PITPNM3: variants seen among roughly 807,000 people sequenced by gnomAD.
The protein encoded by PITPNM3 is membrane-associated phosphatidylinositol transfer protein 3.
PITPNM3 carries 26 observed loss-of-function variants against 102.0 expected under a neutral mutation model. The observed-to-expected ratio is 0.25, with a 90% CI of 0.19 to 0.35. The LOEUF is 0.35. Among genes scored for constraint, PITPNM3 ranks in the 10% least tolerant of loss-of-function variants. PITPNM3 has a pLI of 1.00. For synonymous variants in PITPNM3, 578 were observed against 558.6 expected, an observed-to-expected ratio of 1.03 and a Z score of -0.49; for missense variants, 1,083 against 1,346.1, an observed-to-expected ratio of 0.80 and a Z score of 3.06.
intron 2 of PITPNM3, among the ~76,000 whole-genome samples, chr17:6,531,992 G>C (rs190180153): frequency 6.6e-6 from 1 of 152,242 alleles, no homozygotes; most frequent in East Asian, 1.9e-4. Context: ...TGTAATCCCA[G>C]CTACTTGGGA....
chr17:6,484,337 C>T, intron 4 of PITPNM3, 45 bp from the exon 5 acceptor site: 2 of 1,531,466 alleles, frequency 1.3e-6, no homozygotes, highest in South Asian at 1.1e-5. Flanking sequence ...GGCTTCCCTA[C>T]AGTGACCAGA....
At chr17:6,489,821 T>C (rs531787088) in intron 4 of PITPNM3, among the ~76,000 whole-genome samples, 1 of 152,176 alleles carries the variant, frequency 6.6e-6, no homozygotes, top group Non-Finnish European at 1.5e-5. Context: ...CTGGCCAACA[T>C]GGTGAAACCC....
chr17:6,541,272 C>T (rs1259202847), intron 1 of PITPNM3, among the ~76,000 whole-genome samples: 1 of 123,206 alleles, frequency 8.1e-6, no homozygotes, highest in Non-Finnish European at 1.7e-5. Context: ...ATAAGAAAAC[C>T]CAGATATGCT....
Position 6,454,112 on chromosome 17 carries a change from C to CT in PITPNM3, c.*1225dup, listed in dbSNP as rs1218782283. 6.6e-6 allele frequency: 1 copy of CT among 152,336 alleles called. No homozygotes were observed. The highest frequency in any genetic ancestry group is 1.5e-5 in the Non-Finnish European group (1 of 68,108). The allele number at this position is 152,336 out of a possible 1,614,324, so 9.4% of individuals were successfully genotyped here. On this transcript the variant is annotated 3_prime_UTR_variant, in exon 20 of 20. Coordinates refer to ENST00000262483, the MANE Select transcript of PITPNM3 (RefSeq NM_031220.4). ...GTTGGAGCCAAACTTCCAGGAACCC[C>CT]TAGAACCCTGGAATCTCAGCTCTAT...
At chr17:6,485,370 C>T (rs1906024988) in intron 4 of PITPNM3, among the ~76,000 whole-genome samples, 1 of 152,064 alleles carries the variant, frequency 6.6e-6, no homozygotes, top group Non-Finnish European at 1.5e-5. Context: ...GTTGCTCAGG[C>T]TGGTCTCAAA....
Position 6,522,286 on chromosome 17 carries a change from G to GCGCA in PITPNM3, c.226+3069_226+3070insTGCG, listed in dbSNP as rs145090085. Among the ~76,000 whole-genome samples, 811 of 149,298 alleles carry GCGCA rather than the reference G, an allele frequency of 5.4e-3. 8 individuals are homozygous for GCGCA. Among genetic ancestry groups the GCGCA allele is most frequent in the African/African-American group, 0.018 (724 of 40,570 alleles). On this transcript the variant is annotated intron_variant, in intron 3 of 19. Coordinates refer to ENST00000262483, the MANE Select transcript of PITPNM3 (RefSeq NM_031220.4). ...GACCCATGAGGTATATTTAGTGTGC[G>GCGCA]CACACACACACACACACACACACAC...
intron 3 of PITPNM3, among the ~76,000 whole-genome samples, chr17:6,523,153 G>A (rs1005230144): frequency 7.9e-5 from 12 of 152,218 alleles, no homozygotes; most frequent in African/African-American, 2.9e-4. Context: ...GGTAAGCACT[G>A]CCCTTCATTC....
In PITPNM3 at chr17:6,457,816, C is replaced by A; in HGVS notation, c.2491-94G>T. On this transcript the variant is annotated intron_variant, in intron 18 of 19. Transcript: ENST00000262483. This position sits in a 1 kb window ranked among gnomAD's most constrained non-coding sequence, Gnocchi z 4.7. ...ACCCCAGGGGGCCCCTGCTTGGGGA[C>A]CCTTTATGTGCACTCTGGTAGACTC... 6.7e-7 allele frequency: 1 copy of A among 1,494,344 alleles called. No homozygotes were observed. The highest frequency in any genetic ancestry group is 9.0e-7 in the Non-Finnish European group (1 of 1,105,388). 92.6% of individuals were successfully genotyped at this position (1,494,344 alleles called of 1,614,324 possible).
chr17:6,549,886 C>T (rs1910218897), intron 1 of PITPNM3, among the ~76,000 whole-genome samples: 1 of 152,182 alleles, frequency 6.6e-6, no homozygotes, highest in Admixed American at 6.5e-5. Flanking sequence ...CCAGGAGGCA[C>T]GTGCTCTCCA....
In PITPNM3 at chr17:6,451,887, C is replaced by CA. The variant is rs1178647727; in HGVS notation, c.*3450_*3451insT. On this transcript the variant is annotated 3_prime_UTR_variant, in exon 20 of 20. Coordinates refer to ENST00000262483, the MANE Select transcript of PITPNM3 (RefSeq NM_031220.4). Reference sequence around the variant, plus strand: ...TTGGCACCCAAACCCCCCCCCCCCGCCCGCCGATGGGATTCGGTGGGAAAG... The same window carrying CA: ...TTGGCACCCAAACCCCCCCCCCCCGCACCGCCGATGGGATTCGGTGGGAAAG... 3 of 17,536 alleles carry CA rather than the reference C, an allele frequency of 1.7e-4. 1 individual carries two copies. Among genetic ancestry groups the CA allele is most frequent in the Admixed American group, 1.6e-3 (2 of 1,270 alleles). The allele number at this position is 17,536 out of a possible 1,614,324, so 1.1% of individuals were successfully genotyped here.
chr17:6,457,608 G>C lies in PITPNM3; in HGVS notation c.2605C>G (p.Gln869Glu). The change falls in exon 19 of 20, where the codon CAA becomes GAA. Residue 869 changes from glutamine to glutamate, a missense_variant. Physicochemically the swap from Gln to Glu is conservative, Grantham distance 29 (BLOSUM62 2). Coordinates refer to ENST00000262483, the MANE Select transcript of PITPNM3 (RefSeq NM_031220.4). The surrounding 1 kb of genome is among the most constrained non-coding windows in gnomAD (Gnocchi z 4.7). Reference protein sequence around the residue: ...FIVGRPTKKYQTQCQFLSEGY... With the variant: ...FIVGRPTKKYETQCQFLSEGY... ...CCTCCACCCACCTGGCACTGGGTTTGGTACTTCTTGGTGGGCCGGCCCACA... is the reference window on the plus strand; with the variant it reads ...CCTCCACCCACCTGGCACTGGGTTTCGTACTTCTTGGTGGGCCGGCCCACA... The C allele has an allele frequency of 4.4e-6, 7 of 1,600,874 alleles. No individual in the cohort carries two copies. Among genetic ancestry groups the C allele is most frequent in the Non-Finnish European group, 6.0e-6 (7 of 1,172,922 alleles).
rs71370451 is a variant in PITPNM3, at chr17:6,516,482, T to A, written c.226+8874A>T. Reference sequence around the variant, plus strand: ...GGGAGGCTGAGGCAGGAGAATGGCGTGAACCCAGGAGGCGGAGCTTGCAGT... The same window carrying A: ...GGGAGGCTGAGGCAGGAGAATGGCGAGAACCCAGGAGGCGGAGCTTGCAGT... On this transcript the variant is annotated intron_variant, in intron 3 of 19. Transcript: ENST00000262483. 5.3e-3 allele frequency among the ~76,000 whole-genome samples: 774 copies of A among 145,650 alleles called. 5 individuals are homozygous for A. Among genetic ancestry groups the A allele is most frequent in the Non-Finnish European group, 8.3e-3 (556 of 67,204 alleles).
At position 6,477,000 on chromosome 17, in the gene PITPNM3, C is replaced by T. The variant is rs1268309984; in HGVS notation, c.1085+29G>A. The T allele has an allele frequency of 2.5e-6, 4 of 1,612,596 alleles. No individual in the cohort carries two copies. The South Asian group carries it at 4.4e-5, about 18-fold the overall frequency. ...CTCCCAGTTGGCTCTGAGCCAAGGT[C>T]TTCTTGCTTCTGGACAGGGAGGGGC... On this transcript the variant is annotated intron_variant, in intron 9 of 19. Coordinates refer to ENST00000262483, the MANE Select transcript of PITPNM3 (RefSeq NM_031220.4).
chr17:6,556,403 C>A lies in PITPNM3; in HGVS notation c.4G>T (p.Ala2Ser). The A allele has an allele frequency of 7.5e-7, 1 of 1,330,320 alleles. No individual in the cohort carries two copies. Among genetic ancestry groups the A allele is most frequent in the South Asian group, 1.9e-5 (1 of 52,588 alleles). 82.4% of individuals were successfully genotyped at this position (1,330,320 alleles called of 1,614,324 possible). A position where few individuals can be genotyped will look rare whatever the true frequency, so the allele number is the denominator to read the frequency against. The part of the protein sequence containing the change: M[A>S]KAGRAGGPPP... ...CCCTCACCTGCACGGCCCGCCTTGGCCATGTCCCGGGCGGCGGGCTCCGGC... is the reference window on the plus strand; with the variant it reads ...CCCTCACCTGCACGGCCCGCCTTGGACATGTCCCGGGCGGCGGGCTCCGGC... The change falls in exon 1 of 20, where the codon GCC becomes TCC. Residue 2 changes from alanine to serine, a missense_variant. Ala to Ser is a moderately conservative substitution (Grantham distance 99, BLOSUM62 1). Around this residue, in one of 5 missense-constraint regions of PITPNM3, gnomAD observed 290 missense variants for 337.8 expected, o/e 0.86. Transcript: ENST00000262483. The surrounding 1 kb of genome is among the most constrained non-coding windows in gnomAD (Gnocchi z 5.2).
rs770490061 is a variant in PITPNM3, at chr17:6,472,781, A to G, written c.1305T>C (p.His435=). 25 of 1,614,002 alleles carry G rather than the reference A, an allele frequency of 1.5e-5. No homozygotes were observed. The Middle Eastern group carries it at 2.0e-3, about 127-fold the overall frequency. The part of the protein sequence containing the change: ...PACSQVYSFF[H]CADPSASRLE... Reference sequence around the variant, plus strand: ...GCCGTGAGGCAGAGGGGTCTGCGCAATGGAAGAAGCTGTAGACCTGGCTGC... The same window carrying G: ...GCCGTGAGGCAGAGGGGTCTGCGCAGTGGAAGAAGCTGTAGACCTGGCTGC... Residue 435 remains histidine, a synonymous_variant, in exon 11 of 20, where the codon CAT becomes CAC. Transcript: ENST00000262483. The surrounding 1 kb of genome is among the most constrained non-coding windows in gnomAD (Gnocchi z 4.1).
intron 8 of PITPNM3, 52 bp from the exon 9 acceptor site, chr17:6,477,265 C>T (rs749053595): frequency 1.3e-6 from 2 of 1,580,220 alleles, no homozygotes; most frequent in South Asian, 1.1e-5. Flanking sequence ...TCACGGGAGA[C>T]TCTGGGGCCT....
intron 1 of PITPNM3, among the ~76,000 whole-genome samples, chr17:6,542,243 C>T (rs165101): frequency 0.55 from 83,380 of 152,022 alleles, 23,111 homozygotes; most frequent in South Asian, 0.72. Flanking sequence ...TCTGGGTATC[C>T]TTGTGTCTGT....
intron 1 of PITPNM3, among the ~76,000 whole-genome samples, chr17:6,550,343 A>G (rs1258595504): frequency 3.3e-5 from 5 of 152,220 alleles, no homozygotes; most frequent in Non-Finnish European, 7.3e-5. Flanking sequence ...TCTACCTCAG[A>G]GATGCTGTTG....
At chr17:6,545,025 T>C (rs988705176) in intron 1 of PITPNM3, among the ~76,000 whole-genome samples, 2 of 152,204 alleles carry the variant, frequency 1.3e-5, no homozygotes, top group Admixed American at 1.3e-4. Context: ...AAGCCCCGCC[T>C]CCTCCGTGCC....
Sources: gnomAD v4.1 joint callset for allele counts (sites outside exome capture counted in the v4.1 genomes callset) on GRCh38, gnomAD v4.1.1 for gene constraint, gnomAD v4.1.1 regional missense constraint, Gnocchi (gnomAD v3.1) non-coding constraint, MANE v1.5 for transcripts, NCBI Gene and HGNC (gene_info 2026-07-23, HGNC 2026-07-21) for gene names.